Variants in CEBPZ observed in about 807,000 individuals in gnomAD.
The protein encoded by CEBPZ is CCAAT/enhancer-binding protein zeta.
A neutral mutation model predicts 104.5 loss-of-function variants in CEBPZ; 78 were observed. That is an observed-to-expected ratio of 0.75 (90% CI 0.62 to 0.90). CEBPZ has a LOEUF of 0.90. Among genes scored for constraint, CEBPZ ranks in the 40% least tolerant of loss-of-function variants. CEBPZ has a pLI of 0.00. For missense variants in CEBPZ, 1,439 were observed against 1,233.5 expected, an observed-to-expected ratio of 1.17 and a Z score of -2.50; for synonymous variants, 470 against 427.0, an observed-to-expected ratio of 1.10 and a Z score of -1.24.
At position 37,223,314 on chromosome 2, in the gene CEBPZ, C is replaced by A. The variant is rs1195955724; in HGVS notation, c.1737G>T (p.Val579=). The A allele has an allele frequency of 6.2e-7, 1 of 1,614,054 alleles. No individual in the cohort carries two copies. The highest frequency in any genetic ancestry group is 8.5e-7 in the Non-Finnish European group (1 of 1,180,042). The part of the protein sequence containing the change: ...LVYKSLKADI[V]LRRVKAFVKR... Reference sequence around the variant, plus strand: ...TCACAAAAGCCTTCACCCGGCGCAACACAATGTCAGCTTTCAGAGATTTGT... The same window carrying A: ...TCACAAAAGCCTTCACCCGGCGCAAAACAATGTCAGCTTTCAGAGATTTGT... The change falls in exon 3 of 16, where the codon GTG becomes GTT. Residue 579 remains valine, a synonymous_variant. Transcript: ENST00000234170.
chr2:37,220,403 A>T lies in CEBPZ; in HGVS notation c.2136T>A (p.Ser712Arg). ...ATTTTACCTTTTTGAGTTCCCAAAG[A>T]CTTGTATTTTCAGCTCCACAGAACA... ...NPLFCGAENT[S>R]LWELKKLSVH... Residue 712 changes from serine (S) to arginine (R), a missense_variant, in exon 5 of 16, where the codon AGT becomes AGA. Coordinates refer to ENST00000234170, the MANE Select transcript of CEBPZ (RefSeq NM_005760.3). 3.2e-6 allele frequency: 5 copies of T among 1,583,404 alleles called. No individual in the cohort carries two copies. The highest frequency in any genetic ancestry group is 4.3e-6 in the Non-Finnish European group (5 of 1,158,066).
chr2:37,217,435 A>C (rs1387810855), intron 5 of CEBPZ, among the ~76,000 whole-genome samples: 3 of 152,108 alleles, frequency 2.0e-5, no homozygotes, highest in Non-Finnish European at 4.4e-5. Flanking sequence ...AAAATTTGAA[A>C]TTTAAGCCAA....
intron 5 of CEBPZ, among the ~76,000 whole-genome samples, chr2:37,219,568 G>A (rs760662225): frequency 2.0e-5 from 3 of 152,016 alleles, no homozygotes; most frequent in Non-Finnish European, 2.9e-5. Flanking sequence ...TAATGTACTG[G>A]TATTACTATG....
intron 13 of CEBPZ, chr2:37,209,086 A>T (rs929125994): frequency 6.6e-6 from 1 of 152,136 alleles, no homozygotes; most frequent in African/African-American, 2.4e-5. Flanking sequence ...AATACACCTA[A>T]TCAAGGAGGT....
chr2:37,224,818 C>T (rs1664845707), intron 2 of CEBPZ, among the ~76,000 whole-genome samples: 1 of 152,142 alleles, frequency 6.6e-6, no homozygotes, highest in Non-Finnish European at 1.5e-5. Flanking sequence ...AGCAAACAAA[C>T]ACTTTAAGAA....
chr2:37,207,497 G>A (rs1677579033), intron 13 of CEBPZ, among the ~76,000 whole-genome samples: 1 of 152,054 alleles, frequency 6.6e-6, no homozygotes, highest in Non-Finnish European at 1.5e-5. Context: ...AACTCCAAAA[G>A]GAACCCTCAA....
intron 15 of CEBPZ, 55 bp from the exon 16 acceptor site, chr2:37,201,958 T>G (rs1677266399): frequency 6.5e-7 from 1 of 1,538,552 alleles, no homozygotes; most frequent in African/African-American, 1.4e-5. Flanking sequence ...CTCTTGGTGG[T>G]CCCACAGAAC....
At chr2:37,231,183 C>T (rs77737829) in intron 1 of CEBPZ, 2 of 701,348 alleles carry the variant, frequency 2.9e-6, no homozygotes, top group African/African-American at 1.8e-5. Context: ...CAGAAGATCG[C>T]CTACATCCTA....
intron 2 of CEBPZ, 42 bp downstream of exon 2, chr2:37,227,502 A>G: frequency 6.5e-7 from 1 of 1,542,898 alleles, no homozygotes; most frequent in Non-Finnish European, 8.7e-7. Flanking sequence ...TACTACATCA[A>G]GTTATTATTT....
intron 4 of CEBPZ, among the ~76,000 whole-genome samples, chr2:37,221,916 T>C (rs954570604): frequency 3.3e-5 from 5 of 152,178 alleles, no homozygotes; most frequent in Non-Finnish European, 5.9e-5. Flanking sequence ...TTTAATTTAG[T>C]TTGGTGTGTG....
chr2:37,228,289 G>C lies in CEBPZ; in HGVS notation c.904C>G (p.Arg302Gly), dbSNP rs762289766. 1.2e-6 allele frequency: 2 copies of C among 1,614,146 alleles called. No homozygotes were observed. The highest frequency in any genetic ancestry group is 1.7e-6 in the Non-Finnish European group (2 of 1,180,024). ...LLITDLLPDN[R>G]KLRIFSQRPF... ...CGCTGGCTGAAAATCCTCAGCTTCC[G>C]ATTGTCTGGCAAAAGGTCTGTGATA... The change falls in exon 2 of 16, where the codon CGG (arginine) becomes GGG (glycine). Residue 302 changes from arginine to glycine, a missense_variant. Physicochemically the swap from Arg to Gly is moderately radical, Grantham distance 125. Coordinates refer to ENST00000234170, the MANE Select transcript of CEBPZ (RefSeq NM_005760.3).
At chr2:37,210,609 G>T (rs1677690251) in intron 13 of CEBPZ, 1 of 159,668 alleles carries the variant, frequency 6.3e-6, no homozygotes, top group African/African-American at 2.4e-5. Flanking sequence ...AATGGACTCT[G>T]GGGACTTGGG....
At chr2:37,220,789 G>A (rs1391947319) in intron 4 of CEBPZ, among the ~76,000 whole-genome samples, 5 of 152,104 alleles carry the variant, frequency 3.3e-5, no homozygotes, top group South Asian at 2.1e-4. Flanking sequence ...TCAGGAGTTC[G>A]AGACCAGCCT....
chr2:37,209,967 G>C (rs1572496769), intron 13 of CEBPZ: 1 of 152,194 alleles, frequency 6.6e-6, no homozygotes, highest in East Asian at 1.9e-4. Flanking sequence ...AGTGTGTTAA[G>C]GATATGAACA....
intron 5 of CEBPZ, among the ~76,000 whole-genome samples, chr2:37,217,890 A>G (rs1180047888): frequency 7.2e-6 from 1 of 138,458 alleles, no homozygotes; most frequent in Non-Finnish European, 1.5e-5. Flanking sequence ...CAACAGAGCA[A>G]GACTCTGTCT....
At chr2:37,208,480 C>G (rs1264619307) in intron 13 of CEBPZ, among the ~76,000 whole-genome samples, 1 of 152,078 alleles carries the variant, frequency 6.6e-6, no homozygotes, top group African/African-American at 2.4e-5. Context: ...GGATATAGGG[C>G]TGGTTTAACA....
At chr2:37,218,124 A>G (rs1412938330) in intron 5 of CEBPZ, among the ~76,000 whole-genome samples, 7 of 145,108 alleles carry the variant, frequency 4.8e-5, no homozygotes, top group African/African-American at 1.5e-4. Context: ...AAAATTAGCC[A>G]GGCGTGGCGG....
chr2:37,214,925 T>C lies in CEBPZ; in HGVS notation c.2408A>G (p.Glu803Gly). 6.2e-7 allele frequency: 1 copy of C among 1,610,404 alleles called. No homozygotes were observed. Among genetic ancestry groups the C allele is most frequent in the Non-Finnish European group, 8.5e-7 (1 of 1,176,840 alleles). ...PVNSKEFLAKEESQIPVDEVF... is the reference protein window; with the variant it reads ...PVNSKEFLAKGESQIPVDEVF... ...TTCATCCACTGGTATTTGGCTTTCT[T>C]CTTTTGCAAGGAACTCCTTACTGTT... The change falls in exon 9 of 16, where the codon GAA (glutamate) becomes GGA (glycine). Residue 803 changes from glutamate to glycine, a missense_variant. Coordinates refer to ENST00000234170, the MANE Select transcript of CEBPZ (RefSeq NM_005760.3).
chr2:37,219,373 C>T (rs1173789573), intron 5 of CEBPZ, among the ~76,000 whole-genome samples: 1 of 151,576 alleles, frequency 6.6e-6, no homozygotes, highest in African/African-American at 2.4e-5. Context: ...CAGTAATTCT[C>T]CCTGTGTCAT....
Sources: gnomAD v4.1 joint callset for allele counts (sites outside exome capture counted in the v4.1 genomes callset) on GRCh38, gnomAD v4.1.1 for gene constraint, MANE v1.5 for transcripts, NCBI Gene and HGNC (gene_info 2026-07-23, HGNC 2026-07-21) for gene names.